Variants in ROBO2 observed in about 807,000 individuals in gnomAD.
ROBO2 encodes roundabout homolog 2.
ROBO2 carries 53 observed loss-of-function variants against 160.8 expected under a neutral mutation model. That is an observed-to-expected ratio of 0.33 (90% CI 0.26 to 0.41). The LOEUF (loss-of-function observed/expected upper bound fraction) is 0.41, where lower values mean the gene tolerates loss of function less well. Among genes scored for constraint, ROBO2 ranks in the 10% least tolerant of loss-of-function variants. The pLI, the probability that ROBO2 is intolerant of heterozygous loss-of-function variation, is 1.00. For missense variants in ROBO2, 1,577 were observed against 1,722.4 expected, an observed-to-expected ratio of 0.92 and a Z score of 1.49; for synonymous variants, 664 against 611.7, an observed-to-expected ratio of 1.09 and a Z score of -1.26.
At chr3:76,279,378 AC>A (rs1375720583) in intron 2 of ROBO2, among the ~76,000 whole-genome samples, 1 of 151,922 alleles carries the variant, frequency 6.6e-6, no homozygotes, top group East Asian at 1.9e-4. Flanking sequence ...AAGTGATTCT[AC>A]ATACCAACAT....
intron 2 of ROBO2, among the ~76,000 whole-genome samples, chr3:76,022,783 C>CA (rs1465517469): frequency 6.6e-6 from 1 of 151,750 alleles, no homozygotes; most frequent in African/African-American, 2.4e-5. Context: ...ATATTGGCTT[C>CA]AACTTCAATT....
At chr3:77,298,800 T>C (rs185187355) in intron 2 of ROBO2, among the ~76,000 whole-genome samples, 2 of 152,290 alleles carry the variant, frequency 1.3e-5, no homozygotes, top group East Asian at 3.9e-4. Context: ...GGAGTGTGCT[T>C]GGCACTGTAG....
At chr3:77,402,759 C>T (rs1043851608) in intron 2 of ROBO2, among the ~76,000 whole-genome samples, 7 of 152,150 alleles carry the variant, frequency 4.6e-5, no homozygotes, top group Non-Finnish European at 8.8e-5. Flanking sequence ...AGGGAAGAAT[C>T]AGGAGAGAAG....
chr3:77,566,645 C>T (rs2093490340), intron 12 of ROBO2, among the ~76,000 whole-genome samples: 1 of 152,020 alleles, frequency 6.6e-6, no homozygotes, highest in Non-Finnish European at 1.5e-5. Flanking sequence ...GATAACTATG[C>T]TAGTCACTAA....
chr3:76,765,275 C>T (rs1342114535), intron 2 of ROBO2, among the ~76,000 whole-genome samples: 1 of 151,604 alleles, frequency 6.6e-6, no homozygotes, highest in Non-Finnish European at 1.5e-5. Flanking sequence ...ATAGTTACAG[C>T]ATGAGAACTA....
At chr3:76,856,932 G>A (rs1197068170) in intron 2 of ROBO2, among the ~76,000 whole-genome samples, 3 of 152,144 alleles carry the variant, frequency 2.0e-5, no homozygotes, top group Non-Finnish European at 2.9e-5. Context: ...TCTAAATACC[G>A]CATTTGCATA....
chr3:77,237,074 C>T (rs2088108180), intron 2 of ROBO2, among the ~76,000 whole-genome samples: 2 of 151,700 alleles, frequency 1.3e-5, no homozygotes, highest in South Asian at 4.2e-4. Context: ...TGTCTCATCA[C>T]TTTGGCCAGG....
At chr3:77,527,983 G>A (rs1246644855) in intron 6 of ROBO2, among the ~76,000 whole-genome samples, 2 of 151,482 alleles carry the variant, frequency 1.3e-5, no homozygotes, top group African/African-American at 4.8e-5. Context: ...GTGTTCTTTG[G>A]CATGAAATCT....
chr3:76,538,881 A>G (rs116518930), intron 2 of ROBO2, among the ~76,000 whole-genome samples: 139 of 152,256 alleles, frequency 9.1e-4, no homozygotes, highest in Admixed American at 1.8e-3. Flanking sequence ...TAATATCTGT[A>G]ATATATCTAG....
chr3:76,333,294 C>G (rs1027579320), intron 2 of ROBO2, among the ~76,000 whole-genome samples: 2 of 152,082 alleles, frequency 1.3e-5, no homozygotes, highest in African/African-American at 4.8e-5. Flanking sequence ...AAGACAGTGT[C>G]CAGTACATAT....
chr3:75,924,513 T>A (rs1162313381), intron 1 of ROBO2, among the ~76,000 whole-genome samples: 1 of 152,020 alleles, frequency 6.6e-6, no homozygotes, highest in Non-Finnish European at 1.5e-5. Context: ...TTTGGACTTC[T>A]GACCCCCAGA....
At chr3:76,850,800 T>G (rs1272129692) in intron 2 of ROBO2, among the ~76,000 whole-genome samples, 1 of 152,142 alleles carries the variant, frequency 6.6e-6, no homozygotes, top group Non-Finnish European at 1.5e-5. Flanking sequence ...TCTTGAGAAC[T>G]GCCCATTCAA....
intron 5 of ROBO2, among the ~76,000 whole-genome samples, chr3:77,499,190 T>C (rs2087194459): frequency 6.6e-6 from 1 of 152,242 alleles, no homozygotes; most frequent in South Asian, 2.1e-4. Context: ...TTTGATCATT[T>C]AGTTTATTTA....
rs146866841 is a variant in ROBO2, at chr3:77,050,647, G to A, written c.61+9801G>A. On this transcript the variant is annotated intron_variant, in intron 1 of 25. Transcript: ENST00000461745. Reference sequence around the variant, plus strand: ...AAGAGTTACAACATTTAATGTGGTGGTCTCAAAACATTTTTTTTTTTTTGC... The same window carrying A: ...AAGAGTTACAACATTTAATGTGGTGATCTCAAAACATTTTTTTTTTTTTGC... 1.0e-4 allele frequency among the ~76,000 whole-genome samples: 15 copies of A among 144,636 alleles called. No homozygotes were observed. In the East Asian group the frequency reaches 2.8e-3, roughly 27 times the overall value. 94.9% of individuals were successfully genotyped at this position (144,636 alleles called of 152,430 possible).
intron 1 of ROBO2, among the ~76,000 whole-genome samples, chr3:75,914,726 G>A (rs1442310181): frequency 6.6e-6 from 1 of 152,158 alleles, no homozygotes; most frequent in Non-Finnish European, 1.5e-5. Flanking sequence ...CTCTTAATGA[G>A]AATGAGTAAC....
chr3:76,457,776 A>G (rs1014540596), intron 2 of ROBO2, among the ~76,000 whole-genome samples: 2 of 152,068 alleles, frequency 1.3e-5, no homozygotes, highest in African/African-American at 2.4e-5. Flanking sequence ...TCAATTGTTG[A>G]CTTCTGTGCA....
intron 2 of ROBO2, among the ~76,000 whole-genome samples, chr3:76,578,661 T>G (rs2085465399): frequency 6.6e-6 from 1 of 152,082 alleles, no homozygotes; most frequent in Admixed American, 6.6e-5. Flanking sequence ...TGATGGTTCT[T>G]TATTCCCTTT....
At chr3:77,353,516 A>G (rs981174326) in intron 2 of ROBO2, among the ~76,000 whole-genome samples, 4 of 152,050 alleles carry the variant, frequency 2.6e-5, no homozygotes, top group African/African-American at 9.7e-5. Context: ...ATACCTAGGG[A>G]ACCTTTTTTT....
chr3:76,602,752 C>A lies in ROBO2; in HGVS notation c.110-495262C>A, dbSNP rs536540287. Among the ~76,000 whole-genome samples the A allele has an allele frequency of 3.7e-4, 56 of 151,942 alleles. 1 individual carries two copies. The Middle Eastern group carries it at 0.01, about 28-fold the overall frequency. On this transcript the variant is annotated intron_variant, in intron 2 of 26. Coordinates refer to the ROBO2 transcript ENST00000487694. ...TTCCTCCCATGACAGGTGGGAGTTA[C>A]AATTCAAGATGAGATTTGGGTGGGG...
Sources: allele counts gnomAD v4.1 joint callset (sites outside exome capture counted in the v4.1 genomes callset), GRCh38; gene constraint gnomAD v4.1.1; transcripts MANE v1.5; gene names NCBI Gene and HGNC (gene_info 2026-07-23, HGNC 2026-07-21).